Variants in DEDD2 observed in about 807,000 individuals in gnomAD.
DEDD2 encodes DNA-binding death effector domain-containing protein 2.
DEDD2 carries 18 observed loss-of-function variants against 28.9 expected under a neutral mutation model. The observed-to-expected ratio is 0.62, with a 90% CI of 0.43 to 0.92. DEDD2 has a LOEUF of 0.92. Ranked by LOEUF, DEDD2 falls within the 40% of genes least tolerant of loss-of-function variation. DEDD2 has a pLI of 0.00. For synonymous variants in DEDD2, 211 were observed against 206.1 expected (o/e 1.02, Z -0.20); for missense variants, 411 against 463.3 (o/e 0.89, Z 1.04).
Position 42,198,845 on chromosome 19 carries a change from TG to T in DEDD2, c.*592del, listed in dbSNP as rs1178482830. The T allele has an allele frequency of 6.5e-6, 1 of 153,490 alleles. No individual in the cohort carries two copies. Among genetic ancestry groups the T allele is most frequent in the Non-Finnish European group, 1.5e-5 (1 of 68,960 alleles). 9.5% of individuals were successfully genotyped at this position (153,490 alleles called of 1,614,324 possible). A position where few individuals can be genotyped will look rare whatever the true frequency, so the allele number is the denominator to read the frequency against. On this transcript the variant is annotated 3_prime_UTR_variant, in exon 5 of 5. Transcript: ENST00000596251. ...GGGGGAAGGTGAGGAGAGTCAGGTC[TG>T]TAAATTGAAGCTGGGCAGGGCCCTG...
At chr19:42,211,291 G>C (rs1252357575) in intron 3 of DEDD2, among the ~76,000 whole-genome samples, 1 of 151,772 alleles carries the variant, frequency 6.6e-6, no homozygotes, top group Non-Finnish European at 1.5e-5. Context: ...AGGCTGAGGT[G>C]GGAGGGCTGC....
chr19:42,211,599 CAAAT>C (rs887434360), intron 3 of DEDD2, among the ~76,000 whole-genome samples: 10 of 152,096 alleles, frequency 6.6e-5, no homozygotes, highest in African/African-American at 2.2e-4. Flanking sequence ...ACAAGAAACA[CAAAT>C]AAAATCTATG....
At chr19:42,210,548 G>A (rs573131409) in intron 3 of DEDD2, among the ~76,000 whole-genome samples, 35 of 151,942 alleles carry the variant, frequency 2.3e-4, no homozygotes, top group Admixed American at 5.9e-4. Flanking sequence ...TGTCTGCCAC[G>A]ACAACCGGCT....
chr19:42,218,388 C>G (rs910135610), upstream of DEDD2, among the ~76,000 whole-genome samples: 4 of 152,096 alleles, frequency 2.6e-5, no homozygotes, highest in African/African-American at 9.7e-5. Context: ...CGACCCCCAT[C>G]ACAGTCAGAT....
rs2035221746 is a variant in DEDD2, at chr19:42,199,184, C to T, written c.*254G>A. On this transcript the variant is annotated 3_prime_UTR_variant, in exon 5 of 5. Coordinates refer to ENST00000596251, the MANE Select transcript of DEDD2 (RefSeq NM_133328.4). This position sits in a 1 kb window ranked among gnomAD's most constrained non-coding sequence, Gnocchi z 7.4. ...TGCCCCTCCCTTCTGAGATACAGGC[C>T]CAGCCCCCGCCTCCGGAGGCTAAGG... 3 of 555,848 alleles carry T rather than the reference C, an allele frequency of 5.4e-6. No individual in the cohort carries two copies. The South Asian group carries it at 7.3e-5, about 14-fold the overall frequency. 34.4% of individuals were successfully genotyped at this position (555,848 alleles called of 1,614,324 possible).
At chr19:42,202,530 C>G (rs1568439448) in intron 4 of DEDD2, among the ~76,000 whole-genome samples, 1 of 152,222 alleles carries the variant, frequency 6.6e-6, no homozygotes, top group Admixed American at 6.5e-5. Flanking sequence ...TCAGAGTGGA[C>G]AGGTCACAGG....
At chr19:42,211,242 G>A (rs893191733) in intron 3 of DEDD2, among the ~76,000 whole-genome samples, 5 of 151,948 alleles carry the variant, frequency 3.3e-5, no homozygotes, top group African/African-American at 7.3e-5. Context: ...AAAATTAGCC[G>A]GGTGTGGTAG....
At chr19:42,215,650 T>C (rs2035938406) in intron 2 of DEDD2, among the ~76,000 whole-genome samples, 1 of 152,208 alleles carries the variant, frequency 6.6e-6, no homozygotes, top group African/African-American at 2.4e-5. Context: ...CTGTCAGCTC[T>C]TCCCTAGAGC....
chr19:42,204,446 ACCC>A (rs1039180161), intron 4 of DEDD2: 1 of 147,614 alleles, frequency 6.8e-6, no homozygotes, highest in African/African-American at 2.5e-5. Flanking sequence ...CAGCTCCCCC[ACCC>A]CCCAACTCTC....
intron 4 of DEDD2, chr19:42,201,753 C>T (rs148787589): frequency 6.8e-4 from 252 of 372,672 alleles, no homozygotes; most frequent in South Asian, 2.8e-3. Flanking sequence ...CTCCACCCAA[C>T]GCCCAGGGAA....
intron 4 of DEDD2, among the ~76,000 whole-genome samples, chr19:42,204,027 C>G (rs77740594): frequency 0.035 from 5,283 of 152,266 alleles, 317 homozygotes; most frequent in African/African-American, 0.12. Context: ...GCCATGCCTT[C>G]CTAGAGAGGA....
At chr19:42,209,204 G>A (rs761052585) in intron 4 of DEDD2, among the ~76,000 whole-genome samples, 2 of 151,782 alleles carry the variant, frequency 1.3e-5, no homozygotes, top group Non-Finnish European at 2.9e-5. Context: ...TCACACCACT[G>A]CACTCCAGCC....
At position 42,216,884 on chromosome 19, in the gene DEDD2, G is replaced by A. The variant is rs147223526; in HGVS notation, c.124C>T (p.Leu42=). ...TCCAGCAGAAAGGCCAGGAGCTCCA[G>A]CTCGCACTCGGTCAGTTGCCCGCCC... ...VVGGQLTECE[L]ELLAFLLDEA... is the part of the protein sequence containing the mutation. Residue 42 remains leucine, a synonymous_variant, in exon 2 of 5, where the codon CTG becomes TTG. Transcript: ENST00000596251. 2.5e-6 allele frequency: 4 copies of A among 1,598,152 alleles called. No homozygotes were observed. Among genetic ancestry groups the A allele is most frequent in the Non-Finnish European group, 3.4e-6 (4 of 1,173,068 alleles).
At chr19:42,206,202 T>C (rs2035528276) in intron 4 of DEDD2, among the ~76,000 whole-genome samples, 1 of 150,794 alleles carries the variant, frequency 6.6e-6, no homozygotes. Context: ...CTGCAGGATC[T>C]GCCCTGGTTC....
At chr19:42,214,913 C>A (rs542340897) in intron 3 of DEDD2, among the ~76,000 whole-genome samples, 4 of 152,126 alleles carry the variant, frequency 2.6e-5, no homozygotes, top group Admixed American at 1.3e-4. Flanking sequence ...CAGAGTAATA[C>A]CCACAATGTA....
chr19:42,208,309 A>G, intron 4 of DEDD2, among the ~76,000 whole-genome samples: 1 of 134,640 alleles, frequency 7.4e-6, no homozygotes, highest in Non-Finnish European at 1.6e-5. Context: ...CCCTATGGCC[A>G]GTGCCCTTCC....
In DEDD2 at chr19:42,199,589, C is replaced by A. The variant is rs1357533914; in HGVS notation, c.830G>T (p.Gly277Val). The change falls in exon 5 of 5, where the codon GGC (glycine) becomes GTC (valine). Residue 277 changes from glycine to valine, a missense_variant. By Grantham distance (109) the Gly-to-Val change is moderately radical. Around this residue, in one of 2 missense-constraint regions of DEDD2, gnomAD observed 129 missense variants for 189.9 expected, o/e 0.68. Coordinates refer to ENST00000596251, the MANE Select transcript of DEDD2 (RefSeq NM_133328.4). The surrounding 1 kb of genome is among the most constrained non-coding windows in gnomAD (Gnocchi z 7.4). ...TCGCAGGGCCTCAGTCAGGAACACG[C>A]CCCGCAGGGCCTGCAGCAGGGCGCC... ...LSGALLQALR[G>V]VFLTEALREA... The A allele has an allele frequency of 3.1e-6, 5 of 1,613,964 alleles. No individual in the cohort carries two copies. Among genetic ancestry groups the A allele is most frequent in the Non-Finnish European group, 4.2e-6 (5 of 1,179,978 alleles).
At position 42,209,708 on chromosome 19, in the gene DEDD2, A is replaced by G; in HGVS notation, c.581T>C (p.Val194Ala). The G allele has an allele frequency of 1.2e-6, 2 of 1,608,670 alleles. No individual in the cohort carries two copies. The highest frequency in any genetic ancestry group is 1.7e-6 in the Non-Finnish European group (2 of 1,177,692). The change falls in exon 4 of 5, where the codon GTG becomes GCG. Residue 194 changes from valine to alanine, a missense_variant. Val to Ala is a moderately conservative substitution (Grantham distance 64). Transcript: ENST00000596251. ...AGCCTACAGACACCTACCACAGGTCACTTTGCCTTCAGAGGAAGGTCTGGC... is the reference window on the plus strand; with the variant it reads ...AGCCTACAGACACCTACCACAGGTCGCTTTGCCTTCAGAGGAAGGTCTGGC... ...EPARPSSEGKVTCDIRLRVRA... is the reference protein window; with the variant it reads ...EPARPSSEGKATCDIRLRVRA...
At chr19:42,200,936 C>G (rs76442868) in intron 4 of DEDD2, among the ~76,000 whole-genome samples, 5 of 152,308 alleles carry the variant, frequency 3.3e-5, no homozygotes, top group Non-Finnish European at 5.9e-5. Context: ...TCCCACCCAT[C>G]ACTTAGGCTA....
Sources: allele counts gnomAD v4.1 joint callset (sites outside exome capture counted in the v4.1 genomes callset), GRCh38; gene constraint gnomAD v4.1.1; regional missense constraint gnomAD v4.1.1; non-coding constraint Gnocchi (gnomAD v3.1); transcripts MANE v1.5; gene names NCBI Gene and HGNC (gene_info 2026-07-23, HGNC 2026-07-21).